The following ANKRD16 variants were observed in gnomAD, a reference collection of about 807,000 sequenced individuals.
The protein encoded by ANKRD16 is ankyrin repeat domain 16.
In ANKRD16, 35 loss-of-function variants were observed where a neutral mutation model predicts 37.9. That is an observed-to-expected ratio of 0.92 (90% CI 0.71 to 1.23). ANKRD16 has a LOEUF of 1.23. Ranked by LOEUF, ANKRD16 falls within the 50% of genes most tolerant of loss-of-function variation. The probability of loss-of-function intolerance (pLI) is 0.00; values close to 1 mark genes in which losing one functional copy is unlikely to be tolerated. For synonymous variants in ANKRD16, 206 were observed against 197.2 expected (o/e 1.04, Z -0.37); for missense variants, 480 against 469.9 (o/e 1.02, Z -0.20).
intron 6 of ANKRD16, among the ~76,000 whole-genome samples, chr10:5,879,340 G>C (rs1842244623): frequency 6.6e-6 from 1 of 152,094 alleles, no homozygotes; most frequent in Non-Finnish European, 1.5e-5. Flanking sequence ...TGGGCATGGT[G>C]GTGGGCACCC....
At chr10:5,888,477 T>C (rs1168045562) in intron 1 of ANKRD16, among the ~76,000 whole-genome samples, 2 of 152,204 alleles carry the variant, frequency 1.3e-5, no homozygotes, top group African/African-American at 2.4e-5. Flanking sequence ...GAACCTGACC[T>C]AGTGAGTACT....
chr10:5,876,050 ATTG>A (rs1417143767), intron 7 of ANKRD16, among the ~76,000 whole-genome samples: 1 of 152,158 alleles, frequency 6.6e-6, no homozygotes, highest in East Asian at 1.9e-4. Flanking sequence ...CGCCGGGCTA[ATTG>A]TTGTATTTTT....
rs796230507 is a variant in ANKRD16 at position 5,868,467 on chromosome 10, C to G, written c.*34-5776G>C. Among the ~76,000 whole-genome samples, 4 of 152,286 alleles carry G rather than the reference C, an allele frequency of 2.6e-5. No homozygotes were observed. Among genetic ancestry groups the G allele is most frequent in the African/African-American group, 9.6e-5 (4 of 41,566 alleles). ...GTGGGGACTTGGAGAACTTTTCTGTCTAGCTAAAGGACTGTAAATGCACCA... is the reference window on the plus strand; with the variant it reads ...GTGGGGACTTGGAGAACTTTTCTGTGTAGCTAAAGGACTGTAAATGCACCA... On this transcript the variant is annotated intron_variant, in intron 7 of 7. Coordinates refer to ENST00000380094, the MANE Select transcript of ANKRD16 (RefSeq NM_019046.3). This position sits in a 1 kb window ranked among gnomAD's most constrained non-coding sequence, Gnocchi z 4.9.
At chr10:5,876,168 G>A (rs1453355902) in intron 7 of ANKRD16, among the ~76,000 whole-genome samples, 1 of 152,218 alleles carries the variant, frequency 6.6e-6, no homozygotes, top group Non-Finnish European at 1.5e-5. Flanking sequence ...ACAGGCATGA[G>A]CCACCGCGCC....
intron 3 of ANKRD16, among the ~76,000 whole-genome samples, 175 bp from the exon 4 acceptor site, chr10:5,884,252 C>T (rs1842375180): frequency 6.6e-6 from 1 of 152,228 alleles, no homozygotes; most frequent in Non-Finnish European, 1.5e-5. Flanking sequence ...CCTTCAGGAG[C>T]GTGATGGTCT....
At chr10:5,876,081 A>C (rs942262601) in intron 7 of ANKRD16, among the ~76,000 whole-genome samples, 1 of 152,146 alleles carries the variant, frequency 6.6e-6, no homozygotes, top group African/African-American at 2.4e-5. Flanking sequence ...ACTGGGTTTC[A>C]CCATGTTGGC....
rs186887987 is a variant in ANKRD16 at position 5,874,189 on chromosome 10, G to A, written c.*33+3908C>T. ...CAGGTGTAAGCCATCGTGCCTGGGCGAGACTTCTGCTTTGATTGAGCTTAG... is the reference window on the plus strand; with the variant it reads ...CAGGTGTAAGCCATCGTGCCTGGGCAAGACTTCTGCTTTGATTGAGCTTAG... On this transcript the variant is annotated intron_variant, in intron 7 of 7. Coordinates refer to ENST00000380094, the MANE Select transcript of ANKRD16 (RefSeq NM_019046.3). This position sits in a 1 kb window ranked among gnomAD's most constrained non-coding sequence, Gnocchi z 4.7. 3.3e-4 allele frequency among the ~76,000 whole-genome samples: 50 copies of A among 152,314 alleles called. No homozygotes were observed. The highest frequency in any genetic ancestry group is 1.1e-3 in the African/African-American group (44 of 41,574).
At position 5,866,927 on chromosome 10, in the gene ANKRD16, T is replaced by G. The variant is rs1842023747; in HGVS notation, c.*34-4236A>C. Among the ~76,000 whole-genome samples, 1 of 143,606 alleles carries G rather than the reference T, an allele frequency of 7.0e-6. No individual in the cohort carries two copies. Among genetic ancestry groups the G allele is most frequent in the Non-Finnish European group, 1.5e-5 (1 of 65,096 alleles). 94.2% of individuals were successfully genotyped at this position (143,606 alleles called of 152,430 possible). A position where few individuals can be genotyped will look rare whatever the true frequency, so the allele number is the denominator to read the frequency against. ...GAGTCAGAGAGAGAGAAACAGAAAG[T>G]CAAAGAAAGAGAGGGAGAGACAAAG... is the stretch of plus-strand genomic sequence containing the variant. On this transcript the variant is annotated intron_variant, in intron 7 of 7. Coordinates refer to ENST00000380094, the MANE Select transcript of ANKRD16 (RefSeq NM_019046.3). The surrounding 1 kb of genome is among the most constrained non-coding windows in gnomAD (Gnocchi z 4.3).
rs1293079980 is a variant in ANKRD16 at position 5,868,451 on chromosome 10, T to C, written c.*34-5760A>G. On this transcript the variant is annotated intron_variant, in intron 7 of 7. Coordinates refer to ENST00000380094, the MANE Select transcript of ANKRD16 (RefSeq NM_019046.3). The surrounding 1 kb of genome is among the most constrained non-coding windows in gnomAD (Gnocchi z 4.9). ...GGATTTCCTGGATCAAGTGGGGACTTGGAGAACTTTTCTGTCTAGCTAAAG... is the reference window on the plus strand; with the variant it reads ...GGATTTCCTGGATCAAGTGGGGACTCGGAGAACTTTTCTGTCTAGCTAAAG... Among the ~76,000 whole-genome samples the C allele has an allele frequency of 6.6e-6, 1 of 152,146 alleles. No individual in the cohort carries two copies. Among genetic ancestry groups the C allele is most frequent in the Non-Finnish European group, 1.5e-5 (1 of 68,030 alleles).
intron 1 of ANKRD16, among the ~76,000 whole-genome samples, chr10:5,888,757 GT>G (rs1349188870): frequency 6.6e-5 from 10 of 152,212 alleles, no homozygotes; most frequent in African/African-American, 2.4e-4. Flanking sequence ...ACACTTCATT[GT>G]TTGGTAACAT....
intron 7 of ANKRD16, among the ~76,000 whole-genome samples, chr10:5,876,725 G>C (rs1842192174): frequency 6.6e-6 from 1 of 152,224 alleles, no homozygotes; most frequent in African/African-American, 2.4e-5. Flanking sequence ...CCAACGCTGA[G>C]AGTAAGGTGG....
Position 5,861,731 on chromosome 10 carries a change from T to C in ANKRD16, c.*994A>G, listed in dbSNP as rs1841942816. On this transcript the variant is annotated 3_prime_UTR_variant, in exon 8 of 8. Transcript: ENST00000380094. ...ACTACACATCAGACACGGTGTTAAG[T>C]GGCTTAGATGAAATGTCTTTTTTTT... 1 of 151,412 alleles carries C rather than the reference T, an allele frequency of 6.6e-6. No individual in the cohort carries two copies. Among genetic ancestry groups the C allele is most frequent in the African/African-American group, 2.4e-5 (1 of 40,818 alleles). The allele number at this position is 151,412 out of a possible 1,614,324, so 9.4% of individuals were successfully genotyped here.
At chr10:5,887,703 C>CCCCCCCCCCCCCCCCCA (rs1842457124) in intron 2 of ANKRD16, 144 bp downstream of exon 2, 3 of 153,064 alleles carry the variant, frequency 2.0e-5, no homozygotes, top group African/African-American at 7.7e-5. Flanking sequence ...CCACCCCCTC[C>CCCCCCCCCCCCCCCCCA]CCCCCAGATG....
chr10:5,873,735 G>C (rs1289625942), intron 7 of ANKRD16, among the ~76,000 whole-genome samples: 1 of 152,068 alleles, frequency 6.6e-6, no homozygotes, highest in Non-Finnish European at 1.5e-5. Context: ...GTTCCCTCCA[G>C]CTTCTTTAGC....
At position 5,885,859 on chromosome 10, in the gene ANKRD16, A is replaced by G; in HGVS notation, c.536-94T>C. 4 of 1,269,412 alleles carry G rather than the reference A, an allele frequency of 3.2e-6. No individual in the cohort carries two copies. In the South Asian group the frequency reaches 5.7e-5, roughly 18 times the overall value. 78.6% of individuals were successfully genotyped at this position (1,269,412 alleles called of 1,614,324 possible). On this transcript the variant is annotated intron_variant, in intron 2 of 7. Transcript: ENST00000380094. ...GCTTTGCTCTCTGCCCCGTTCTATT[A>G]GTGATAGCTTACAAGAAGGAGTCAT...
Position 5,889,101 on chromosome 10 carries a change from T to G in ANKRD16, c.254A>C (p.Asp85Ala). Residue 85 changes from aspartate to alanine, a missense_variant, in exon 1 of 8, where the codon GAC becomes GCC. Transcript: ENST00000380094. ...LHEAASMGHR[D>A]CVRYLLGRGA... Reference sequence around the variant, plus strand: ...CCGGCCCAGCAGGTAGCGCACGCAGTCTCGGTGGCCCATGGAGGCCGCCTC... The same window carrying G: ...CCGGCCCAGCAGGTAGCGCACGCAGGCTCGGTGGCCCATGGAGGCCGCCTC... 6.3e-7 allele frequency: 1 copy of G among 1,589,198 alleles called. No individual in the cohort carries two copies. Among genetic ancestry groups the G allele is most frequent in the South Asian group, 1.1e-5 (1 of 90,484 alleles).
rs773925326 is a variant in ANKRD16, at chr10:5,880,308, T to C, written c.918A>G (p.Lys306=). The C allele has an allele frequency of 1.3e-4, 214 of 1,599,692 alleles. 1 individual carries two copies. The highest frequency in any genetic ancestry group is 1.3e-3 in the Middle Eastern group (8 of 6,026). The change falls in exon 6 of 8, where the codon AAA becomes AAG. Residue 306 remains lysine, a synonymous_variant. Transcript: ENST00000380094. ...LGADINSKDE[K]NRSALHLACA... is the part of the protein sequence containing the mutation. ...AAAATTAAACGGTACCTGATCGATTTTTTTCATCTTTAGAATTGATGTCAG... is the reference window on the plus strand; with the variant it reads ...AAAATTAAACGGTACCTGATCGATTCTTTTCATCTTTAGAATTGATGTCAG...
rs916149542 is a variant in ANKRD16, at chr10:5,889,100, G to A, written c.255C>T (p.Asp85=). ...LHEAASMGHR[D]CVRYLLGRGA... ...CCCGGCCCAGCAGGTAGCGCACGCA[G>A]TCTCGGTGGCCCATGGAGGCCGCCT... Residue 85 remains aspartate, a synonymous_variant, in exon 1 of 8, where the codon GAC becomes GAT. Transcript: ENST00000380094. 6.3e-7 allele frequency: 1 copy of A among 1,589,044 alleles called. No homozygotes were observed. The highest frequency in any genetic ancestry group is 1.3e-5 in the African/African-American group (1 of 74,128).
At chr10:5,872,605 G>T (rs1037345772) in intron 7 of ANKRD16, among the ~76,000 whole-genome samples, 2 of 152,082 alleles carry the variant, frequency 1.3e-5, no homozygotes, top group Non-Finnish European at 1.5e-5. Flanking sequence ...TGCCCAGGCT[G>T]GAGTGCAGTG....
Sources: gnomAD v4.1 joint callset for allele counts (sites outside exome capture counted in the v4.1 genomes callset) on GRCh38, gnomAD v4.1.1 for gene constraint, Gnocchi (gnomAD v3.1) non-coding constraint, MANE v1.5 for transcripts, NCBI Gene and HGNC (gene_info 2026-07-23, HGNC 2026-07-21) for gene names.